Variants in ZNF548 observed in about 807,000 individuals in gnomAD.
ZNF548 encodes the protein zinc finger protein 548.
A neutral mutation model predicts 10.2 loss-of-function variants in ZNF548; 10 were observed. The ratio of observed to expected loss-of-function variants is 0.98; its 90% CI spans 0.60 to 1.66. The LOEUF is 1.66. Ranked by LOEUF, ZNF548 falls within the 40% of genes most tolerant of loss-of-function variation. The pLI, the probability that ZNF548 is intolerant of heterozygous loss-of-function variation, is 0.00. For missense variants in ZNF548, 599 were observed against 657.0 expected, an observed-to-expected ratio of 0.91 and a Z score of 0.97; for synonymous variants, 217 against 223.5, an observed-to-expected ratio of 0.97 and a Z score of 0.26.
At position 57,397,110 on chromosome 19, in the gene ZNF548, T is replaced by G. The variant is rs1031087824; in HGVS notation, c.114T>G (p.Asp38Glu). The G allele has an allele frequency of 4.3e-6, 7 of 1,613,772 alleles. No homozygotes were observed. Among genetic ancestry groups the G allele is most frequent in the Non-Finnish European group, 5.9e-6 (7 of 1,179,792 alleles). The change falls in exon 3 of 4, where the codon GAT (aspartate) becomes GAG (glutamate). Residue 38 changes from aspartate to glutamate, a missense_variant. Transcript: ENST00000336128. ...CCCAGGAGGAGTGGGGGCACCTTGATGAGGCTCAGAGATTGCTGTACCGTG... is the reference window on the plus strand; with the variant it reads ...CCCAGGAGGAGTGGGGGCACCTTGAGGAGGCTCAGAGATTGCTGTACCGTG... ...YFSQEEWGHLDEAQRLLYRDV... is the reference protein window; with the variant it reads ...YFSQEEWGHLEEAQRLLYRDV...
chr19:57,394,364 G>A, intron 2 of ZNF548, 141 bp downstream of exon 2: 1 of 870,094 alleles, frequency 1.1e-6, no homozygotes, highest in South Asian at 1.7e-5. Context: ...ATTACAAGTT[G>A]GCTGCTGGGT....
rs977358170 is a variant in ZNF548 at position 57,401,711 on chromosome 19, A to G, written c.*1822A>G. 18 of 150,860 alleles carry G rather than the reference A, an allele frequency of 1.2e-4. No individual in the cohort carries two copies. Among genetic ancestry groups the G allele is most frequent in the Admixed American group, 9.9e-4 (15 of 15,138 alleles). 9.3% of individuals were successfully genotyped at this position (150,860 alleles called of 1,614,324 possible). A position where few individuals can be genotyped will look rare whatever the true frequency, so the allele number is the denominator to read the frequency against. ...CCCTATGCTTTATTCTAAGAATTTT[A>G]TATTTGAAGGTCTTACATTTAGGTC... On this transcript the variant is annotated 3_prime_UTR_variant, in exon 4 of 4. Coordinates refer to ENST00000336128, the MANE Select transcript of ZNF548 (RefSeq NM_001172773.2).
In ZNF548 at chr19:57,398,826, C is replaced by T. The variant is rs773964904; in HGVS notation, c.575C>T (p.Pro192Leu). 2 of 1,613,992 alleles carry T rather than the reference C, an allele frequency of 1.2e-6. No individual in the cohort carries two copies. Among genetic ancestry groups the T allele is most frequent in the East Asian group, 2.2e-5 (1 of 44,880 alleles). ...CAGGGCCCTCAAAGCGAGTGGAAGC[C>T]ATACAGGGACACAGAGGACAGAGAA... ...QHQGPQSEWK[P>L]YRDTEDREAF... The change falls in exon 4 of 4, where the codon CCA (proline) becomes CTA (leucine). Residue 192 changes from proline (P) to leucine (L), a missense_variant. Coordinates refer to ENST00000336128, the MANE Select transcript of ZNF548 (RefSeq NM_001172773.2).
chr19:57,397,792 A>G (rs2123044169), intron 3 of ZNF548, among the ~76,000 whole-genome samples: 1 of 152,254 alleles, frequency 6.6e-6, no homozygotes, highest in East Asian at 1.9e-4. Flanking sequence ...GGGAATTGGG[A>G]AAAGGGTTGA....
Position 57,398,737 on chromosome 19 carries a change from G to A in ZNF548, c.486G>A (p.Glu162=). The change falls in exon 4 of 4, where the codon GAG becomes GAA. Residue 162 remains glutamate (E), a synonymous_variant. Transcript: ENST00000336128. ...FGKNHRVHMA[E]EIFTCMEGWK... ...AGAACCACAGAGTTCACATGGCAGAGGAGATCTTCACATGCATGGAGGGCT... is the reference window on the plus strand; with the variant it reads ...AGAACCACAGAGTTCACATGGCAGAAGAGATCTTCACATGCATGGAGGGCT... The A allele has an allele frequency of 6.2e-7, 1 of 1,613,786 alleles. No individual in the cohort carries two copies.
chr19:57,392,873 A>G, intron 1 of ZNF548: 4 of 985,524 alleles, frequency 4.1e-6, no homozygotes, highest in Non-Finnish European at 4.8e-6. Flanking sequence ...CAGACATCAT[A>G]CTCTGTCCAG....
rs1456407149 is a variant in ZNF548, at chr19:57,401,391, ATATAG to A, written c.*1507_*1511del. 6.6e-6 allele frequency: 1 copy of A among 152,252 alleles called. No individual in the cohort carries two copies. The highest frequency in any genetic ancestry group is 6.5e-5 in the Admixed American group (1 of 15,288). 9.4% of individuals were successfully genotyped at this position (152,252 alleles called of 1,614,324 possible). A position where few individuals can be genotyped will look rare whatever the true frequency, so the allele number is the denominator to read the frequency against. ...TTTTCTTGTCATTATTCCCTAAACT[ATATAG>A]TATAATAAATATTTACATAGCATTT... On this transcript the variant is annotated 3_prime_UTR_variant, in exon 4 of 4. Coordinates refer to ENST00000336128, the MANE Select transcript of ZNF548 (RefSeq NM_001172773.2).
In ZNF548 at chr19:57,390,079, G is replaced by T. The variant is rs778220533; in HGVS notation, c.-21G>T. The T allele has an allele frequency of 6.2e-7, 1 of 1,608,824 alleles. No homozygotes were observed. The highest frequency in any genetic ancestry group is 8.5e-7 in the Non-Finnish European group (1 of 1,179,242). ...GCTCCCGCCCCGCTCTTCCCTGGCT[G>T]GGCTGGCGGAGGCCTTGCTGATGAA... On this transcript the variant is annotated 5_prime_UTR_variant, in exon 1 of 4. Coordinates refer to ENST00000336128, the MANE Select transcript of ZNF548 (RefSeq NM_001172773.2).
At position 57,399,068 on chromosome 19, in the gene ZNF548, T is replaced by C. The variant is rs1182081547; in HGVS notation, c.817T>C (p.Ser273Pro). The change falls in exon 4 of 4, where the codon TCC (serine) becomes CCC (proline). Residue 273 changes from serine (S) to proline (P), a missense_variant. Coordinates refer to ENST00000336128, the MANE Select transcript of ZNF548 (RefSeq NM_001172773.2). This position sits in a 1 kb window ranked among gnomAD's most constrained non-coding sequence, Gnocchi z 4.0. ...RTYECRECGK[S>P]FMYNYRLMRH... ...TTATGAGTGCAGAGAATGTGGAAAA[T>C]CCTTTATGTACAACTACCGACTCAT... The C allele has an allele frequency of 6.2e-7, 1 of 1,614,162 alleles. No individual in the cohort carries two copies. The highest frequency in any genetic ancestry group is 1.1e-5 in the South Asian group (1 of 91,090).
At position 57,395,041 on chromosome 19, in the gene ZNF548, AC is replaced by A. The variant is rs1453096139; in HGVS notation, c.51+819del. Among the ~76,000 whole-genome samples, 5 of 152,126 alleles carry A rather than the reference AC, an allele frequency of 3.3e-5. No individual in the cohort carries two copies. The highest frequency in any genetic ancestry group is 1.2e-4 in the African/African-American group (5 of 41,380). ...AGGAGTTCAGGTTGGAGATGTCCAC[AC>A]TATGGTGGCTGTCGTATGGACCAGG... On this transcript the variant is annotated intron_variant, in intron 2 of 3. Transcript: ENST00000336128. The surrounding 1 kb of genome is among the most constrained non-coding windows in gnomAD (Gnocchi z 4.8).
chr19:57,393,790 A>G (rs927218296), intron 1 of ZNF548, among the ~76,000 whole-genome samples: 3 of 151,958 alleles, frequency 2.0e-5, no homozygotes, highest in African/African-American at 7.3e-5. Context: ...TTTCCTTGGA[A>G]AAAGTTAATA....
At position 57,400,069 on chromosome 19, in the gene ZNF548, G is replaced by A. The variant is rs2088702927; in HGVS notation, c.*180G>A. ...TCTATACTCTATGGTACTTATATGAGGTACCAATAGATATCTATGAATTTG... is the reference window on the plus strand; with the variant it reads ...TCTATACTCTATGGTACTTATATGAAGTACCAATAGATATCTATGAATTTG... On this transcript the variant is annotated 3_prime_UTR_variant, in exon 4 of 4. Coordinates refer to ENST00000336128, the MANE Select transcript of ZNF548 (RefSeq NM_001172773.2). The A allele has an allele frequency of 1.3e-5, 7 of 547,738 alleles. No individual in the cohort carries two copies. The South Asian group carries it at 2.1e-4, about 16-fold the overall frequency. The allele number at this position is 547,738 out of a possible 1,614,324, so 33.9% of individuals were successfully genotyped here. A position where few individuals can be genotyped will look rare whatever the true frequency, so the allele number is the denominator to read the frequency against.
intron 2 of ZNF548, among the ~76,000 whole-genome samples, chr19:57,394,519 G>A (rs759319135): frequency 1.3e-5 from 2 of 152,204 alleles, no homozygotes; most frequent in Non-Finnish European, 2.9e-5. Context: ...ACATCTGGTA[G>A]GAATACGGAG....
At position 57,399,378 on chromosome 19, in the gene ZNF548, CT is replaced by C; in HGVS notation, c.1129del (p.Tyr377MetfsTer144). 6.2e-7 allele frequency: 1 copy of C among 1,614,158 alleles called. No individual in the cohort carries two copies. Among genetic ancestry groups the C allele is most frequent in the Non-Finnish European group, 8.5e-7 (1 of 1,180,030 alleles). On this transcript the variant is annotated frameshift_variant, in exon 4 of 4. Coordinates refer to ENST00000336128, the MANE Select transcript of ZNF548 (RefSeq NM_001172773.2). LOFTEE classifies it low-confidence loss of function (END_TRUNC). The surrounding 1 kb of genome is among the most constrained non-coding windows in gnomAD (Gnocchi z 4.0). ...RHQRIHTGER[P>X]YECSVCGELF... ...CAGAGAATTCACACTGGAGAAAGGC[CT>C]TATGAGTGCAGTGTATGTGGGGAAT...
chr19:57,399,885 A>G lies in ZNF548; in HGVS notation c.1634A>G (p.His545Arg). The change falls in exon 4 of 4, where the codon CAT (histidine) becomes CGT (arginine). Residue 545 changes from histidine to arginine, a missense_variant. His to Arg is a conservative substitution (Grantham distance 29). Coordinates refer to ENST00000336128, the MANE Select transcript of ZNF548 (RefSeq NM_001172773.2). This position sits in a 1 kb window ranked among gnomAD's most constrained non-coding sequence, Gnocchi z 4.0. ...IRDFTMEKVY[H>R] ...GATTTCACAATGGAGAAAGTTTACC[A>G]TTGACTATTGTAATTGGGTAGTAAT... The G allele has an allele frequency of 6.3e-7, 1 of 1,584,094 alleles. No individual in the cohort carries two copies. Among genetic ancestry groups the G allele is most frequent in the Non-Finnish European group, 8.6e-7 (1 of 1,161,812 alleles).
rs1481018815 is a variant in ZNF548 at position 57,398,708 on chromosome 19, G to T, written c.457G>T (p.Gly153Trp). Reference sequence around the variant, plus strand: ...AGGGGATGATTGGATACCTTCATTTGGGAAGAACCACAGAGTTCACATGGC... The same window carrying T: ...AGGGGATGATTGGATACCTTCATTTTGGAAGAACCACAGAGTTCACATGGC... ...SRGDDWIPSF[G>W]KNHRVHMAEE... The change falls in exon 4 of 4, where the codon GGG becomes TGG. Residue 153 changes from glycine (G) to tryptophan (W), a missense_variant. Transcript: ENST00000336128. 2 of 1,613,954 alleles carry T rather than the reference G, an allele frequency of 1.2e-6. No individual in the cohort carries two copies. The highest frequency in any genetic ancestry group is 1.7e-6 in the Non-Finnish European group (2 of 1,179,950).
chr19:57,396,874 T>TA lies in ZNF548; in HGVS notation c.52-173dup. On this transcript the variant is annotated intron_variant, in intron 2 of 3. Coordinates refer to ENST00000336128, the MANE Select transcript of ZNF548 (RefSeq NM_001172773.2). The stretch of plus-strand genomic sequence containing the variant: ...CTGGGTTGATTTAGAGTACGGGAAA[T>TA]ATTGGCTTGGTTTGAGAATATGGGC... 5 of 916,334 alleles carry TA rather than the reference T, an allele frequency of 5.5e-6. No individual in the cohort carries two copies. In the East Asian group the frequency reaches 1.3e-4, roughly 24 times the overall value. The allele number at this position is 916,334 out of a possible 1,614,324, so 56.8% of individuals were successfully genotyped here.
chr19:57,396,892 A>G (rs2088669627), intron 2 of ZNF548, 156 bp from the exon 3 acceptor site: 4 of 1,114,828 alleles, frequency 3.6e-6, no homozygotes, highest in Middle Eastern at 6.1e-4. Context: ...TGGTTTGAGA[A>G]TATGGGCCCA....
chr19:57,396,607 T>A (rs551090614), intron 2 of ZNF548, among the ~76,000 whole-genome samples: 1 of 152,340 alleles, frequency 6.6e-6, no homozygotes, highest in South Asian at 2.1e-4. Flanking sequence ...AAAGAAGATA[T>A]TTATTCCTTG....
Sources: gnomAD v4.1 joint callset for allele counts (sites outside exome capture counted in the v4.1 genomes callset) on GRCh38, gnomAD v4.1.1 for gene constraint, Gnocchi (gnomAD v3.1) non-coding constraint, MANE v1.5 for transcripts, NCBI Gene and HGNC (gene_info 2026-07-23, HGNC 2026-07-21) for gene names.